The following ATP8A2 variants were observed in gnomAD, a reference collection of about 807,000 sequenced individuals.
The protein encoded by ATP8A2 is ATPase phospholipid transporting 8A2.
ATP8A2 carries 100 observed loss-of-function variants against 165.6 expected under a neutral mutation model. The ratio of observed to expected loss-of-function variants is 0.60; its 90% confidence interval spans 0.51 to 0.71. The LOEUF (loss-of-function observed/expected upper bound fraction) is 0.71. Ranked by LOEUF, ATP8A2 falls within the 30% of genes least tolerant of loss-of-function variation. The pLI is 0.00. For synonymous variants in ATP8A2, 543 were observed against 548.8 expected, an observed-to-expected ratio of 0.99 and a Z score of 0.15; for missense variants, 1,227 against 1,479.5, an observed-to-expected ratio of 0.83 and a Z score of 2.80.
intron 11 of ATP8A2, among the ~76,000 whole-genome samples, chr13:25,552,055 C>T (rs1045954265): frequency 2.0e-5 from 3 of 151,570 alleles, no homozygotes; most frequent in Admixed American, 6.6e-5. Context: ...GGTGTGATCT[C>T]GGCTCACTGC....
intron 2 of ATP8A2, among the ~76,000 whole-genome samples, chr13:25,523,261 C>A (rs958914940): frequency 1.6e-4 from 23 of 147,172 alleles, no homozygotes; most frequent in African/African-American, 5.0e-4. Flanking sequence ...TTTTTCAAGG[C>A]TTTAGGATAA....
At chr13:25,650,964 C>G (rs964409070) in intron 24 of ATP8A2, among the ~76,000 whole-genome samples, 1 of 151,962 alleles carries the variant, frequency 6.6e-6, no homozygotes, top group Admixed American at 6.6e-5. Context: ...CTGCATTGTC[C>G]TTATTGGATT....
chr13:25,530,484 C>T (rs1040883902), intron 3 of ATP8A2, 78 bp from the exon 4 acceptor site: 29 of 804,368 alleles, frequency 3.6e-5, no homozygotes, highest in Non-Finnish European at 4.8e-5. Context: ...GTGAAACGTA[C>T]GTGACTGCCG....
chr13:25,499,579 A>G (rs940391387), intron 2 of ATP8A2, among the ~76,000 whole-genome samples: 2 of 152,208 alleles, frequency 1.3e-5, no homozygotes, highest in African/African-American at 4.8e-5. Flanking sequence ...ATTGCCTGAC[A>G]TATATTAATT....
At chr13:25,714,727 G>A (rs1480693858) in intron 25 of ATP8A2, among the ~76,000 whole-genome samples, 1 of 152,222 alleles carries the variant, frequency 6.6e-6, no homozygotes, top group Non-Finnish European at 1.5e-5. Context: ...GAGAACAGTG[G>A]TGATTGTAAC....
rs544914831 is a variant in ATP8A2 at position 25,532,671 on chromosome 13, T to C, written c.466+354T>C. On this transcript the variant is annotated intron_variant, in intron 5 of 36. Coordinates refer to ENST00000381655, the MANE Select transcript of ATP8A2 (RefSeq NM_016529.6). ...CTACAACATCAATTTTTTGTTTGTT[T>C]GTTTCATTTTTTGAGACAGGGTCTC... Among the ~76,000 whole-genome samples, 7 of 152,288 alleles carry C rather than the reference T, an allele frequency of 4.6e-5. No individual in the cohort carries two copies. In the South Asian group the frequency reaches 1.2e-3, roughly 27 times the overall value.
At chr13:25,828,286 A>G in intron 28 of ATP8A2, 94 bp downstream of exon 28, 1 of 1,057,710 alleles carries the variant, frequency 9.5e-7, no homozygotes, top group Non-Finnish European at 1.5e-6. Flanking sequence ...TATCTGAGTC[A>G]ATCATCTGTA....
chr13:25,884,174 C>A lies in ATP8A2; in HGVS notation c.3183+21766C>A, dbSNP rs1593501264. Among the ~76,000 whole-genome samples, 3 of 152,172 alleles carry A rather than the reference C, an allele frequency of 2.0e-5. No homozygotes were observed. In the East Asian group the frequency reaches 5.8e-4, roughly 29 times the overall value. On this transcript the variant is annotated intron_variant, in intron 33 of 36. Transcript: ENST00000381655. ...TTCACTCCTGCCTCCTGAACCTCCA[C>A]CTTTGGGAGGGTCAGTGGCCCTTAG...
chr13:25,924,471 T>C (rs1186197921), intron 33 of ATP8A2, among the ~76,000 whole-genome samples: 1 of 152,166 alleles, frequency 6.6e-6, no homozygotes, highest in African/African-American at 2.4e-5. Flanking sequence ...CGTGCGGGCC[T>C]TCCTGTGTCT....
At chr13:25,536,458 C>T (rs2038289105) in intron 6 of ATP8A2, among the ~76,000 whole-genome samples, 1 of 152,164 alleles carries the variant, frequency 6.6e-6, no homozygotes, top group African/African-American at 2.4e-5. Context: ...ATTGACATAA[C>T]ATCCATTGCT....
At chr13:25,502,397 G>C (rs1232844595) in intron 2 of ATP8A2, among the ~76,000 whole-genome samples, 1 of 152,210 alleles carries the variant, frequency 6.6e-6, no homozygotes, top group African/African-American at 2.4e-5. Context: ...TGAATTTACT[G>C]TCAAGTATTG....
At chr13:25,630,159 C>A (rs954465644) in intron 24 of ATP8A2, among the ~76,000 whole-genome samples, 1 of 152,090 alleles carries the variant, frequency 6.6e-6, no homozygotes, top group Non-Finnish European at 1.5e-5. Context: ...TGTTTTATTT[C>A]TAAGTGAATT....
At chr13:25,399,397 C>CTTTTTTTTTTTTTTTT (rs71077467) in intron 1 of ATP8A2, among the ~76,000 whole-genome samples, 1 of 74,056 alleles carries the variant, frequency 1.4e-5, no homozygotes, top group Non-Finnish European at 2.4e-5. Context: ...AGTGGTTCTT[C>CTTTTTTTTTTTTTTTT]TTTTTTTTTT....
chr13:25,672,499 G>T (rs1309271163), intron 24 of ATP8A2, among the ~76,000 whole-genome samples: 1 of 152,128 alleles, frequency 6.6e-6, no homozygotes, highest in Non-Finnish European at 1.5e-5. Flanking sequence ...TTGGCAAGGG[G>T]AGTTCAATTC....
intron 33 of ATP8A2, among the ~76,000 whole-genome samples, chr13:25,887,146 A>G (rs1177099066): frequency 2.0e-5 from 3 of 152,128 alleles, no homozygotes; most frequent in Non-Finnish European, 2.9e-5. Context: ...AGGTGTGAGG[A>G]GGCTTCTGCT....
intron 24 of ATP8A2, among the ~76,000 whole-genome samples, chr13:25,615,899 C>T (rs2040810880): frequency 6.6e-6 from 1 of 152,148 alleles, no homozygotes; most frequent in Non-Finnish European, 1.5e-5. Flanking sequence ...TAGCTGTCTC[C>T]TGAAGCTCGC....
chr13:25,837,522 G>C (rs1316413859), intron 29 of ATP8A2, among the ~76,000 whole-genome samples: 1 of 151,790 alleles, frequency 6.6e-6, no homozygotes, highest in East Asian at 1.9e-4. Flanking sequence ...GGTCCATGCT[G>C]TGTGGGCTGC....
At chr13:25,417,824 A>G (rs2034178103) in intron 1 of ATP8A2, among the ~76,000 whole-genome samples, 2 of 152,252 alleles carry the variant, frequency 1.3e-5, no homozygotes, top group South Asian at 4.1e-4. Flanking sequence ...TAACTTATGC[A>G]TAGCAAATCT....
At chr13:25,549,571 A>G (rs911417205) in intron 10 of ATP8A2, among the ~76,000 whole-genome samples, 1 of 151,534 alleles carries the variant, frequency 6.6e-6, no homozygotes, top group African/African-American at 2.4e-5. Context: ...TTAAGTCAGG[A>G]ATTATTTCAC....
Sources: gnomAD v4.1 joint callset for allele counts (sites outside exome capture counted in the v4.1 genomes callset) on GRCh38, gnomAD v4.1.1 for gene constraint, MANE v1.5 for transcripts, NCBI Gene and HGNC (gene_info 2026-07-23, HGNC 2026-07-21) for gene names.